Variants in PLIN5 observed in about 807,000 individuals in gnomAD.
The protein encoded by PLIN5 is perilipin-5.
Under a neutral mutation model 32.8 loss-of-function variants are expected in PLIN5, and 34 were observed. The ratio of observed to expected loss-of-function variants is 1.04; its 90% CI spans 0.79 to 1.38. PLIN5 has a LOEUF of 1.38. PLIN5 is among the 40% of genes most tolerant of loss of function. The pLI, the probability that PLIN5 is intolerant of heterozygous loss-of-function variation, is 0.00. For missense variants in PLIN5, 712 were observed against 660.5 expected, an observed-to-expected ratio of 1.08 and a Z score of -0.85; for synonymous variants, 309 against 292.9, an observed-to-expected ratio of 1.05 and a Z score of -0.56.
chr19:4,529,653 T>G, intron 4 of PLIN5, 131 bp downstream of exon 4: 2 of 462,630 alleles, frequency 4.3e-6, no homozygotes, highest in Non-Finnish European at 8.1e-6. Flanking sequence ...ACACACACGT[T>G]GCAGTTATTT....
chr19:4,524,290 G>A lies in PLIN5; in HGVS notation c.835-205C>T, dbSNP rs572736961. Among the ~76,000 whole-genome samples the A allele has an allele frequency of 5.8e-4, 89 of 152,296 alleles. 2 individuals are homozygous for A. Among genetic ancestry groups the A allele is most frequent in the Admixed American group, 5.2e-3 (80 of 15,288 alleles). On this transcript the variant is annotated intron_variant, in intron 7 of 7. Coordinates refer to ENST00000381848, the MANE Select transcript of PLIN5 (RefSeq NM_001013706.3). Reference sequence around the variant, plus strand: ...AATGGGGCCGGTCGCGGTGGCTCACGCCTGTAATCCCAGCACTTTGGGAGG... The same window carrying A: ...AATGGGGCCGGTCGCGGTGGCTCACACCTGTAATCCCAGCACTTTGGGAGG...
chr19:4,534,784 GCA>G (rs1976926958), intron 1 of PLIN5, among the ~76,000 whole-genome samples: 1 of 152,192 alleles, frequency 6.6e-6, no homozygotes, highest in African/African-American at 2.4e-5. Flanking sequence ...AACTGCCCAA[GCA>G]CCCTAGACGG....
At chr19:4,531,602 C>G in intron 3 of PLIN5, 25 bp downstream of exon 3, 2 of 1,480,996 alleles carry the variant, frequency 1.4e-6, no homozygotes, top group African/African-American at 2.8e-5. Flanking sequence ...CCACAGCTCC[C>G]AGGGACACGG....
chr19:4,533,969 C>T (rs1976917383), intron 2 of PLIN5, 46 bp downstream of exon 2: 5 of 1,589,534 alleles, frequency 3.1e-6, no homozygotes, highest in Non-Finnish European at 4.3e-6. Flanking sequence ...GGGACTGTCC[C>T]ACACAATACC....
At chr19:4,529,513 T>TATATATACACATATAC in intron 4 of PLIN5, 1 of 518,452 alleles carries the variant, frequency 1.9e-6, no homozygotes, top group Non-Finnish European at 3.4e-6. Context: ...TATATACATG[T>TATATATACACATATAC]ATATATACAC....
chr19:4,530,045 T>C (rs1417316748), intron 3 of PLIN5, among the ~76,000 whole-genome samples, 179 bp from the exon 4 acceptor site: 2 of 152,040 alleles, frequency 1.3e-5, no homozygotes, highest in African/African-American at 2.4e-5. Flanking sequence ...CACCAGGAGA[T>C]GGACAGGCTT....
intron 3 of PLIN5, among the ~76,000 whole-genome samples, chr19:4,530,941 A>G (rs901966166): frequency 7.2e-5 from 11 of 151,736 alleles, no homozygotes; most frequent in African/African-American, 2.7e-4. Context: ...GACTCCTAAA[A>G]TACTGGGATT....
intron 3 of PLIN5, 92 bp from the exon 4 acceptor site, chr19:4,529,958 G>A (rs983641017): frequency 6.9e-6 from 5 of 720,160 alleles, no homozygotes; most frequent in Non-Finnish European, 1.1e-5. Flanking sequence ...ATGCTAGAGA[G>A]AGAAGCAGAG....
chr19:4,528,062 A>G (rs1976830054), intron 5 of PLIN5, among the ~76,000 whole-genome samples: 1 of 151,536 alleles, frequency 6.6e-6, no homozygotes, highest in South Asian at 2.1e-4. Context: ...GGCGCCCGCC[A>G]CCACGCCCGG....
chr19:4,524,850 T>C (rs1976779060), intron 7 of PLIN5, 113 bp downstream of exon 7: 1 of 844,624 alleles, frequency 1.2e-6, no homozygotes. Flanking sequence ...TGGTTTGAGA[T>C]AGCTTGAGTT....
intron 4 of PLIN5, 138 bp from the exon 5 acceptor site, chr19:4,529,391 G>T: frequency 1.1e-6 from 1 of 932,156 alleles, no homozygotes; most frequent in Non-Finnish European, 1.6e-6. Flanking sequence ...TATAAAATGG[G>T]TGATAAAACC....
intron 1 of PLIN5, 27 bp from the exon 2 acceptor site, chr19:4,534,122 G>A: frequency 1.3e-6 from 2 of 1,579,238 alleles, no homozygotes; most frequent in Non-Finnish European, 8.6e-7. Context: ...AGTAAGGGGA[G>A]CACCTGCCCA....
intron 5 of PLIN5, among the ~76,000 whole-genome samples, chr19:4,527,262 A>G (rs1976815712): frequency 6.6e-6 from 1 of 151,656 alleles, no homozygotes. Context: ...TTTTTAGTAG[A>G]GACGGGGTTT....
chr19:4,529,110 C>T lies in PLIN5; in HGVS notation c.483G>A (p.Leu161=). 1 of 1,613,436 alleles carries T rather than the reference C, an allele frequency of 6.2e-7. No homozygotes were observed. Among genetic ancestry groups the T allele is most frequent in the Non-Finnish European group, 8.5e-7 (1 of 1,179,992 alleles). Residue 161 remains leucine, a synonymous_variant, in exon 5 of 8, where the codon CTG becomes CTA. Coordinates refer to ENST00000381848, the MANE Select transcript of PLIN5 (RefSeq NM_001013706.3). The part of the protein sequence containing the change: ...VDVVLEKSEE[L]VDHFLPMTEE... ...CCGTCATGGGCAGGAAGTGATCCAC[C>T]AGCTCCTCTGATTTTTCCAGTACAA... is the stretch of plus-strand genomic sequence containing the variant.
Position 4,531,914 on chromosome 19 carries a change from G to C in PLIN5, c.61-92C>G. ...TTCCCCTCTCTGGGCCAGGACGAGG[G>C]ATGGGAGAGTGGAAGGATGGAGTAC... On this transcript the variant is annotated intron_variant, in intron 2 of 7. Transcript: ENST00000381848. 3.0e-6 allele frequency: 4 copies of C among 1,321,238 alleles called. No individual in the cohort carries two copies. The South Asian group carries it at 4.9e-5, about 16-fold the overall frequency. The allele number at this position is 1,321,238 out of a possible 1,614,324, so 81.8% of individuals were successfully genotyped here.
Position 4,525,516 on chromosome 19 carries a change from A to G in PLIN5, c.720+117T>C. On this transcript the variant is annotated intron_variant, in intron 6 of 7. Transcript: ENST00000381848. This position sits in a 1 kb window ranked among gnomAD's most constrained non-coding sequence, Gnocchi z 5.6. ...GCCCTGAACACATGCAGCTGGAGAC[A>G]GCTGCACCCAGCTCCGCCTCCTGCT... is the stretch of plus-strand genomic sequence containing the variant. 7.9e-7 allele frequency: 1 copy of G among 1,263,322 alleles called. No homozygotes were observed. The allele number at this position is 1,263,322 out of a possible 1,614,324, so 78.3% of individuals were successfully genotyped here. A position where few individuals can be genotyped will look rare whatever the true frequency, so the allele number is the denominator to read the frequency against.
intron 3 of PLIN5, among the ~76,000 whole-genome samples, chr19:4,530,980 G>A (rs910393600): frequency 6.9e-6 from 1 of 145,376 alleles, no homozygotes; most frequent in Admixed American, 6.9e-5. Context: ...ACCTATCAGG[G>A]GATCAGTTTT....
intron 7 of PLIN5, 43 bp downstream of exon 7, chr19:4,524,920 C>T: frequency 6.7e-7 from 1 of 1,487,172 alleles, no homozygotes; most frequent in Non-Finnish European, 9.0e-7. Context: ...CCTCCGCGGC[C>T]TGGTGGCAGA....
In PLIN5 at chr19:4,523,540, C is replaced by T. The variant is rs201137983; in HGVS notation, c.1380G>A (p.Glu460=). 5.6e-4 allele frequency: 882 copies of T among 1,565,314 alleles called. 5 individuals are homozygous for T. In the African/African-American group the frequency reaches 0.011, roughly 19 times the overall value. Residue 460 remains glutamate, a synonymous_variant, in exon 8 of 8, where the codon GAG becomes GAA. Transcript: ENST00000381848. This position sits in a 1 kb window ranked among gnomAD's most constrained non-coding sequence, Gnocchi z 5.0. ...SCPVKHTLMP[E]LDF is the part of the protein sequence containing the mutation. ...ACTGGCCCATGGGTCAGAAGTCCAG[C>T]TCGGGCATCAGGGTGTGCTTGACCG... is the stretch of plus-strand genomic sequence containing the variant.
Sources: gnomAD v4.1 joint callset for allele counts (sites outside exome capture counted in the v4.1 genomes callset) on GRCh38, gnomAD v4.1.1 for gene constraint, Gnocchi (gnomAD v3.1) non-coding constraint, MANE v1.5 for transcripts, NCBI Gene and HGNC (gene_info 2026-07-23, HGNC 2026-07-21) for gene names.